HERC1: variants seen among roughly 807,000 people sequenced by gnomAD.
HERC1 encodes probable E3 ubiquitin-protein ligase HERC1.
Under a neutral mutation model 554.3 loss-of-function variants are expected in HERC1, and 160 were observed. The observed-to-expected ratio is 0.29, with a 90% CI of 0.25 to 0.33. HERC1 has a LOEUF of 0.33. HERC1 is among the 10% of genes least tolerant of loss of function. HERC1 has a pLI of 1.00. For synonymous variants in HERC1, 2,175 were observed against 2,131.7 expected (o/e 1.02, Z -0.56); for missense variants, 4,919 against 5,918.5 (o/e 0.83, Z 5.54).
At chr15:63,821,700 C>T (rs911853050) in intron 1 of HERC1, among the ~76,000 whole-genome samples, 1 of 139,616 alleles carries the variant, frequency 7.2e-6, no homozygotes, top group Admixed American at 7.6e-5. Flanking sequence ...GCACTCCAGC[C>T]TGGGAGACAG....
chr15:63,799,423 C>T (rs151165121), intron 1 of HERC1, among the ~76,000 whole-genome samples: 4,694 of 151,938 alleles, frequency 0.031, 99 homozygotes, highest in African/African-American at 0.065. Flanking sequence ...TCACTTGAGC[C>T]CAGGAGGTCA....
intron 63 of HERC1, 55 bp downstream of exon 63, chr15:63,638,356 G>T: frequency 1.3e-6 from 2 of 1,563,190 alleles, no homozygotes; most frequent in South Asian, 1.2e-5. Context: ...ACAAGCAAAA[G>T]AATTAGAATT....
At chr15:63,706,871 G>C (rs1309380357) in intron 24 of HERC1, 40 bp from the exon 25 acceptor site, 3 of 1,291,414 alleles carry the variant, frequency 2.3e-6, no homozygotes, top group Non-Finnish European at 3.3e-6. Flanking sequence ...ATTTAGTTGT[G>C]AAAAGTATTT....
At position 63,674,827 on chromosome 15, in the gene HERC1, G is replaced by C. The variant is rs2071113520; in HGVS notation, c.7361C>G (p.Thr2454Ser). 3.1e-6 allele frequency: 5 copies of C among 1,613,742 alleles called. No homozygotes were observed. The highest frequency in any genetic ancestry group is 1.1e-5 in the South Asian group (1 of 91,064). Residue 2454 changes from threonine (T) to serine (S), a missense_variant, in exon 38 of 78, where the codon ACC becomes AGC. By Grantham distance (58) the Thr-to-Ser change is moderately conservative. Coordinates refer to ENST00000443617, the MANE Select transcript of HERC1 (RefSeq NM_003922.4). Reference sequence around the variant, plus strand: ...TTCATTTTCTGATTTGGAGCTTGTGGTACTCTGACTTTTGACGTCATCAGA... The same window carrying C: ...TTCATTTTCTGATTTGGAGCTTGTGCTACTCTGACTTTTGACGTCATCAGA... ...LTSDDVKSQS[T>S]TSSKSENEIA...
At chr15:63,780,138 A>T (rs929231026) in intron 1 of HERC1, 1 of 152,104 alleles carries the variant, frequency 6.6e-6, no homozygotes, top group Non-Finnish European at 1.5e-5. Context: ...TTTTTATGAA[A>T]TTTGTTCATC....
At chr15:63,815,290 T>A (rs1417060728) in intron 1 of HERC1, among the ~76,000 whole-genome samples, 1 of 152,162 alleles carries the variant, frequency 6.6e-6, no homozygotes, top group African/African-American at 2.4e-5. Context: ...CAATATAGAG[T>A]AGTGACTATA....
chr15:63,812,130 C>T (rs1374048448), intron 1 of HERC1, among the ~76,000 whole-genome samples: 1 of 152,162 alleles, frequency 6.6e-6, no homozygotes, highest in African/African-American at 2.4e-5. Flanking sequence ...AAGTTGCCTA[C>T]CCTTCCTACA....
intron 1 of HERC1, among the ~76,000 whole-genome samples, chr15:63,830,427 C>T (rs959003623): frequency 2.0e-5 from 3 of 151,598 alleles, no homozygotes; most frequent in East Asian, 1.9e-4. Context: ...ATGTCAAGGT[C>T]GTGAAAAACA....
chr15:63,713,578 C>T lies in HERC1; in HGVS notation c.4238G>A (p.Arg1413Gln), dbSNP rs546366711. Residue 1413 changes from arginine (R) to glutamine (Q), a missense_variant, in exon 23 of 78, where the codon CGA becomes CAA. Arg to Gln is a conservative substitution (Grantham distance 43). This residue lies in a region of HERC1 where 1,121 missense variants were observed against 1,244.0 expected (regional missense o/e 0.90). Coordinates refer to ENST00000443617, the MANE Select transcript of HERC1 (RefSeq NM_003922.4). ...RMNSGAGSGA[R>Q]ADDPPPQSQQ... ...AGACTGAGGAGGTGGATCATCAGCT[C>T]GAGCCCCAGACCCTGCCCCACTGTT... 617 of 1,613,826 alleles carry T rather than the reference C, an allele frequency of 3.8e-4. 6 individuals are homozygous for T. The South Asian group carries it at 6.3e-3, about 17-fold the overall frequency.
rs748070202 is a variant in HERC1 at position 63,712,780 on chromosome 15, C to T, written c.4579G>A (p.Ala1527Thr). 15 of 1,613,486 alleles carry T rather than the reference C, an allele frequency of 9.3e-6. No homozygotes were observed. In the African/African-American group the frequency reaches 1.1e-4, roughly 11 times the overall value. ...SQPESDEEGYALSGRRNVDLD... is the reference protein window; with the variant it reads ...SQPESDEEGYTLSGRRNVDLD... ...CTGAATCTGGGTATACCTACCAGTG[C>T]GTAACCCTCTTCATCTGATTCAGGC... The change falls in exon 24 of 78, where the codon GCA becomes ACA. Residue 1527 changes from alanine to threonine, a missense_variant. Physicochemically the swap from Ala to Thr is moderately conservative, Grantham distance 58 (BLOSUM62 0). Transcript: ENST00000443617.
rs2152997943 is a variant in HERC1 at position 63,680,544 on chromosome 15, T to C, written c.6458A>G (p.Asn2153Ser). The C allele has an allele frequency of 1.2e-6, 2 of 1,612,932 alleles. No individual in the cohort carries two copies. The highest frequency in any genetic ancestry group is 4.5e-5 in the East Asian group (2 of 44,852). ...GTGAATGGGTGTCGGTACCTCTCCA[T>C]TTTTCCCAAAAGAAATGGTCCTGGC... ...MEARTISFGK[N>S]GEEPKLAFED... Residue 2153 changes from asparagine to serine, a missense_variant, in exon 35 of 78, where the codon AAT becomes AGT. Asn to Ser is a conservative substitution (Grantham distance 46, BLOSUM62 1). Around this residue, in one of 11 missense-constraint regions of HERC1, gnomAD observed 85 missense variants for 163.2 expected, o/e 0.52. Coordinates refer to ENST00000443617, the MANE Select transcript of HERC1 (RefSeq NM_003922.4). The surrounding 1 kb of genome is among the most constrained non-coding windows in gnomAD (Gnocchi z 5.8).
chr15:63,645,426 A>G (rs1283581167), intron 56 of HERC1, 57 bp downstream of exon 56: 5 of 1,295,138 alleles, frequency 3.9e-6, no homozygotes, highest in South Asian at 3.0e-5. Context: ...CTTAATGCAG[A>G]TAACAGTCTA....
Position 63,803,330 on chromosome 15 carries a change from A to C in HERC1, c.-26-27681T>G, listed in dbSNP as rs2077047050. ...ACAACTGCCAGTAATTGATAGAGTA[A>C]GGATTCAAACCAGACTAGTCTGCCA... On this transcript the variant is annotated intron_variant, in intron 1 of 77. Transcript: ENST00000443617. Among the ~76,000 whole-genome samples the C allele has an allele frequency of 2.0e-5, 3 of 152,226 alleles. No individual in the cohort carries two copies. In the East Asian group the frequency reaches 5.8e-4, roughly 29 times the overall value.
At chr15:63,668,156 T>C (rs1287073991) in intron 40 of HERC1, among the ~76,000 whole-genome samples, 6 of 152,012 alleles carry the variant, frequency 3.9e-5, no homozygotes, top group Non-Finnish European at 7.4e-5. Flanking sequence ...TGGAACAAAA[T>C]AGAAAGAAGG....
At chr15:63,832,746 T>C (rs1391786679) in intron 1 of HERC1, among the ~76,000 whole-genome samples, 3 of 152,132 alleles carry the variant, frequency 2.0e-5, no homozygotes, top group African/African-American at 7.2e-5. Context: ...CCAGTTTTAA[T>C]CAAGCAGGCC....
Position 63,617,440 on chromosome 15 carries a change from C to G in HERC1, c.13689-758G>C, listed in dbSNP as rs147856000. On this transcript the variant is annotated intron_variant, in intron 74 of 77. Transcript: ENST00000443617. Reference sequence around the variant, plus strand: ...ACATTTGGGTTGGTTCCAAGTCTTTCCTATTATGAATAGTGCCGCAATAAA... The same window carrying G: ...ACATTTGGGTTGGTTCCAAGTCTTTGCTATTATGAATAGTGCCGCAATAAA... 3.0e-3 allele frequency among the ~76,000 whole-genome samples: 454 copies of G among 152,272 alleles called. 4 individuals are homozygous for G. The highest frequency in any genetic ancestry group is 0.01 in the African/African-American group (430 of 41,546).
At chr15:63,624,723 CA>C (rs2068227070) in intron 71 of HERC1, among the ~76,000 whole-genome samples, 1 of 152,142 alleles carries the variant, frequency 6.6e-6, no homozygotes, top group East Asian at 1.9e-4. Flanking sequence ...GAAAAAAGAA[CA>C]TACATTATTT....
Position 63,819,458 on chromosome 15 carries a change from C to T in HERC1, c.-27+14369G>A, listed in dbSNP as rs751699276. On this transcript the variant is annotated intron_variant, in intron 1 of 77. Transcript: ENST00000443617. Reference sequence around the variant, plus strand: ...TTTGCACTCTAGACAGTTTGCTTAACCTTGCTCCTTAATATCATTAGGTTT... The same window carrying T: ...TTTGCACTCTAGACAGTTTGCTTAATCTTGCTCCTTAATATCATTAGGTTT... Among the ~76,000 whole-genome samples the T allele has an allele frequency of 6.4e-4, 98 of 152,138 alleles. 1 individual carries two copies. The highest frequency in any genetic ancestry group is 1.8e-4 in the Non-Finnish European group (12 of 68,014).
chr15:63,702,378 A>G (rs2072765328), intron 25 of HERC1, among the ~76,000 whole-genome samples: 1 of 152,240 alleles, frequency 6.6e-6, no homozygotes, highest in Admixed American at 6.5e-5. Flanking sequence ...TTATTTTAGC[A>G]ATAAAACCCT....
Sources: allele counts gnomAD v4.1 joint callset (sites outside exome capture counted in the v4.1 genomes callset), GRCh38; gene constraint gnomAD v4.1.1; regional missense constraint gnomAD v4.1.1; non-coding constraint Gnocchi (gnomAD v3.1); transcripts MANE v1.5; gene names NCBI Gene and HGNC (gene_info 2026-07-23, HGNC 2026-07-21).